MKX: variants seen among roughly 807,000 people sequenced by gnomAD.
MKX encodes the protein mohawk homeobox.
A neutral mutation model predicts 36.0 loss-of-function variants in MKX; 13 were observed. The ratio of observed to expected loss-of-function variants is 0.36; its 90% CI spans 0.24 to 0.57. The LOEUF (loss-of-function observed/expected upper bound fraction) is 0.57, where lower values mean the gene tolerates loss of function less well. Ranked by LOEUF, MKX falls within the 20% of genes least tolerant of loss-of-function variation. The probability of loss-of-function intolerance (pLI) is 0.79; values close to 1 mark genes in which losing one functional copy is unlikely to be tolerated. For synonymous variants in MKX, 176 were observed against 178.3 expected (o/e 0.99, Z 0.10); for missense variants, 458 against 456.4 (o/e 1.00, Z -0.03).
chr10:27,729,009 C>T (rs995958680), intron 5 of MKX, among the ~76,000 whole-genome samples: 4 of 152,182 alleles, frequency 2.6e-5, no homozygotes, highest in Admixed American at 1.3e-4. Context: ...CACCAATAAA[C>T]GACTTCTTTT....
At chr10:27,697,875 A>C (rs979520037) in intron 5 of MKX, among the ~76,000 whole-genome samples, 3 of 152,170 alleles carry the variant, frequency 2.0e-5, no homozygotes, top group Non-Finnish European at 4.4e-5. Flanking sequence ...AAATTGCTCT[A>C]AAGAAGATGA....
At chr10:27,708,423 C>A (rs1039159679) in intron 5 of MKX, among the ~76,000 whole-genome samples, 5 of 152,080 alleles carry the variant, frequency 3.3e-5, no homozygotes, top group Admixed American at 2.0e-4. Context: ...TTTTCTATTT[C>A]TTTAATGCAT....
chr10:27,734,556 C>T lies in MKX; in HGVS notation c.738G>A (p.Arg246=). 2 of 1,613,842 alleles carry T rather than the reference C, an allele frequency of 1.2e-6. No homozygotes were observed. Among genetic ancestry groups the T allele is most frequent in the East Asian group, 2.2e-5 (1 of 44,874 alleles). Residue 246 remains arginine (R), a synonymous_variant, in exon 5 of 7, where the codon AGG becomes AGA. Coordinates refer to ENST00000419761, the MANE Select transcript of MKX (RefSeq NM_173576.3). ...TAAAAGATCCCGAGTGGTTTCTTTG[C>T]CTTGTTTTTCCCATCATGGTAGTGT... ...ATNTTMMGKT[R]QRNHSGSFSS...
intron 5 of MKX, among the ~76,000 whole-genome samples, chr10:27,683,642 T>TG (rs1408099180): frequency 6.6e-6 from 1 of 152,222 alleles, no homozygotes; most frequent in Non-Finnish European, 1.5e-5. Flanking sequence ...CTATTAAGTT[T>TG]GGGGGCCATT....
At chr10:27,712,043 G>C (rs989524233) in intron 5 of MKX, among the ~76,000 whole-genome samples, 1 of 152,148 alleles carries the variant, frequency 6.6e-6, no homozygotes, top group Non-Finnish European at 1.5e-5. Flanking sequence ...AGGTGAAGGA[G>C]ACGGGCAGGG....
chr10:27,729,242 T>A (rs2132629583), intron 5 of MKX, among the ~76,000 whole-genome samples: 1 of 151,518 alleles, frequency 6.6e-6, no homozygotes, highest in South Asian at 2.1e-4. Context: ...ATAAAGTATA[T>A]GCTGACAGAG....
chr10:27,711,495 CTTCTT>C (rs1836865040), intron 5 of MKX, among the ~76,000 whole-genome samples: 1 of 32,864 alleles, frequency 3.0e-5, no homozygotes. Flanking sequence ...CTCTCTCTCT[CTTCTT>C]TCCTTCCTTC....
At chr10:27,726,351 G>T (rs1051966842) in intron 5 of MKX, among the ~76,000 whole-genome samples, 1 of 152,090 alleles carries the variant, frequency 6.6e-6, no homozygotes, top group African/African-American at 2.4e-5. Context: ...TTGACTTAGG[G>T]TTCTTGTCAA....
At chr10:27,731,095 C>T (rs533043467) in intron 5 of MKX, among the ~76,000 whole-genome samples, 15 of 144,196 alleles carry the variant, frequency 1.0e-4, no homozygotes, top group African/African-American at 3.9e-4. Context: ...GATCGTGCCA[C>T]TGCACTCCAG....
intron 5 of MKX, among the ~76,000 whole-genome samples, chr10:27,716,229 GC>G (rs1474598561): frequency 1.3e-5 from 2 of 152,030 alleles, no homozygotes; most frequent in Non-Finnish European, 2.9e-5. Context: ...TTGATAAATA[GC>G]AGCCATTATT....
intron 5 of MKX, among the ~76,000 whole-genome samples, chr10:27,701,610 ATAAT>A (rs1043203714): frequency 8.3e-5 from 12 of 145,388 alleles, no homozygotes; most frequent in African/African-American, 1.2e-4. Context: ...AATATTAAAA[ATAAT>A]TAATATTAAA....
At chr10:27,706,172 C>G (rs757408960) in intron 5 of MKX, among the ~76,000 whole-genome samples, 1 of 152,080 alleles carries the variant, frequency 6.6e-6, no homozygotes, top group Non-Finnish European at 1.5e-5. Context: ...AGCACAATGT[C>G]TTGAAAGTAT....
In MKX at chr10:27,689,596, C is replaced by T. The variant is rs565877050; in HGVS notation, c.839-14042G>A. On this transcript the variant is annotated intron_variant, in intron 5 of 6. Transcript: ENST00000419761. ...ATTAAAAAAGAACCATGCATAAAGG[C>T]GGGGTAAAACTCCTTGCCCGTGGGA... 1.2e-4 allele frequency among the ~76,000 whole-genome samples: 19 copies of T among 152,194 alleles called. No homozygotes were observed. In the East Asian group the frequency reaches 3.1e-3, roughly 25 times the overall value.
chr10:27,741,229 G>T lies in MKX; in HGVS notation c.348+116C>A. 2 of 1,311,992 alleles carry T rather than the reference G, an allele frequency of 1.5e-6. No homozygotes were observed. Among genetic ancestry groups the T allele is most frequent in the East Asian group, 4.7e-5 (2 of 42,526 alleles). 81.3% of individuals were successfully genotyped at this position (1,311,992 alleles called of 1,614,324 possible). On this transcript the variant is annotated intron_variant, in intron 3 of 6. Transcript: ENST00000419761. This position sits in a 1 kb window ranked among gnomAD's most constrained non-coding sequence, Gnocchi z 5.1. ...GGTAATTCAGAAACTCCCACAGCTC[G>T]GCTCCATCCCTCTCCAGGTAGAAGC...
chr10:27,745,436 CTG>C (rs1319722234), intron 1 of MKX: 1 of 152,442 alleles, frequency 6.6e-6, no homozygotes, highest in Non-Finnish European at 1.5e-5. Flanking sequence ...TCACTCCAGA[CTG>C]TGGCCGGGGA....
Position 27,742,552 on chromosome 10 carries a change from G to C in MKX, c.188+676C>G, listed in dbSNP as rs1485368359. Among the ~76,000 whole-genome samples the C allele has an allele frequency of 1.3e-5, 2 of 151,932 alleles. No individual in the cohort carries two copies. Among genetic ancestry groups the C allele is most frequent in the South Asian group, 2.1e-4 (1 of 4,822 alleles). On this transcript the variant is annotated intron_variant, in intron 2 of 6. Coordinates refer to ENST00000419761, the MANE Select transcript of MKX (RefSeq NM_173576.3). This position sits in a 1 kb window ranked among gnomAD's most constrained non-coding sequence, Gnocchi z 4.2. ...GGGGCGCCCGGGGAGCCGCCGGATC[G>C]GGCCAGGCAGAGCCTGCCCTCCACT...
At chr10:27,690,813 G>C (rs897776641) in intron 5 of MKX, among the ~76,000 whole-genome samples, 2 of 152,102 alleles carry the variant, frequency 1.3e-5, no homozygotes, top group Non-Finnish European at 2.9e-5. Context: ...GCCTTGATAT[G>C]GTTTGCCTGT....
At position 27,735,455 on chromosome 10, in the gene MKX, C is replaced by T. The variant is rs1021097624; in HGVS notation, c.349-81G>A. Reference sequence around the variant, plus strand: ...ATTATTTTCTCATAAAGGAGCTAAGCCTCTCTCAGCACCTCTGATCATTAA... The same window carrying T: ...ATTATTTTCTCATAAAGGAGCTAAGTCTCTCTCAGCACCTCTGATCATTAA... On this transcript the variant is annotated intron_variant, in intron 3 of 6. Transcript: ENST00000419761. The T allele has an allele frequency of 1.5e-5, 17 of 1,105,470 alleles. No homozygotes were observed. In the East Asian group the frequency reaches 3.4e-4, roughly 22 times the overall value. 68.5% of individuals were successfully genotyped at this position (1,105,470 alleles called of 1,614,324 possible). A position where few individuals can be genotyped will look rare whatever the true frequency, so the allele number is the denominator to read the frequency against.
chr10:27,713,686 T>G (rs1836912031), intron 5 of MKX, among the ~76,000 whole-genome samples: 1 of 152,156 alleles, frequency 6.6e-6, no homozygotes, highest in Admixed American at 6.5e-5. Flanking sequence ...TCAGGTACTT[T>G]CTACAGTACA....
Sources: allele counts gnomAD v4.1 joint callset (sites outside exome capture counted in the v4.1 genomes callset), GRCh38; gene constraint gnomAD v4.1.1; non-coding constraint Gnocchi (gnomAD v3.1); transcripts MANE v1.5; gene names NCBI Gene and HGNC (gene_info 2026-07-23, HGNC 2026-07-21).